PLSCR1: variants seen among roughly 807,000 people sequenced by gnomAD.
The protein encoded by PLSCR1 is phospholipid scramblase 1, also known as PL scramblase 1.
A neutral mutation model predicts 37.8 loss-of-function variants in PLSCR1; 17 were observed. That is an observed-to-expected ratio of 0.45 (90% confidence interval 0.31 to 0.68). PLSCR1 has a LOEUF of 0.68. Ranked by LOEUF, PLSCR1 falls within the 30% of genes least tolerant of loss-of-function variation. The probability of loss-of-function intolerance (pLI) is 0.06; values close to 1 mark genes in which losing one functional copy is unlikely to be tolerated. For synonymous variants in PLSCR1, 116 were observed against 125.9 expected (o/e 0.92, Z 0.53); for missense variants, 347 against 380.9 (o/e 0.91, Z 0.74).
chr3:146,526,933 A>C (rs1266495380), intron 4 of PLSCR1, among the ~76,000 whole-genome samples: 1 of 152,164 alleles, frequency 6.6e-6, no homozygotes, highest in Non-Finnish European at 1.5e-5. Context: ...CAAGTTCAGG[A>C]GTTCAAGACC....
chr3:146,533,083 A>G (rs578014960), intron 3 of PLSCR1, among the ~76,000 whole-genome samples: 3 of 152,324 alleles, frequency 2.0e-5, no homozygotes, highest in African/African-American at 7.2e-5. Flanking sequence ...TATCAGAAAT[A>G]AATTTCCTAA....
chr3:146,536,882 G>A (rs1028230634), intron 1 of PLSCR1: 10 of 232,788 alleles, frequency 4.3e-5, no homozygotes, highest in Non-Finnish European at 8.4e-5. Flanking sequence ...TAGTAACCAA[G>A]CTAATAACAT....
At chr3:146,519,637 A>G (rs2043992468) in intron 7 of PLSCR1, among the ~76,000 whole-genome samples, 1 of 152,114 alleles carries the variant, frequency 6.6e-6, no homozygotes, top group Admixed American at 6.6e-5. Context: ...AAAATCCAAC[A>G]TGACCTTAAT....
chr3:146,516,239 C>CA, intron 8 of PLSCR1, 138 bp from the exon 9 acceptor site: 2 of 522,646 alleles, frequency 3.8e-6, no homozygotes. Context: ...AGTAAATATA[C>CA]AAAAGCTCTA....
In PLSCR1 at chr3:146,528,800, G is replaced by C. The variant is rs1374728844; in HGVS notation, c.126C>G (p.Pro42=). The C allele has an allele frequency of 1.2e-6, 2 of 1,613,688 alleles. No homozygotes were observed. The highest frequency in any genetic ancestry group is 2.2e-5 in the South Asian group (2 of 91,082). Residue 42 remains proline, a synonymous_variant, in exon 4 of 9, where the codon CCC becomes CCG. Coordinates refer to ENST00000342435, the MANE Select transcript of PLSCR1 (RefSeq NM_021105.3). ...CTGGTGGGGGTGGGTAGCTGACCTG[G>C]GGCCCAGGGTAGCCACTATATCCTG... ...GPPGYSGYPG[P]QVSYPPPPAG...
chr3:146,531,953 G>C (rs2044204870), intron 3 of PLSCR1, among the ~76,000 whole-genome samples: 1 of 152,180 alleles, frequency 6.6e-6, no homozygotes, highest in South Asian at 2.1e-4. Context: ...GGGGATAACT[G>C]ACAGTATTTA....
At chr3:146,544,238 T>G (rs2044375308) in intron 1 of PLSCR1, among the ~76,000 whole-genome samples, 1 of 152,186 alleles carries the variant, frequency 6.6e-6, no homozygotes, top group Admixed American at 6.5e-5. Flanking sequence ...CCCCTTGCCG[T>G]GTACCTGCTC....
intron 3 of PLSCR1, among the ~76,000 whole-genome samples, chr3:146,531,373 A>G (rs1040813968): frequency 6.6e-6 from 1 of 152,276 alleles, no homozygotes; most frequent in South Asian, 2.1e-4. Flanking sequence ...GTAATAGGCC[A>G]CTAATAAAAT....
At position 146,534,303 on chromosome 3, in the gene PLSCR1, C is replaced by A. The variant is rs1029772676; in HGVS notation, c.14-753G>T. Among the ~76,000 whole-genome samples, 51 of 152,290 alleles carry A rather than the reference C, an allele frequency of 3.3e-4. 1 individual carries two copies. Among genetic ancestry groups the A allele is most frequent in the African/African-American group, 1.1e-3 (46 of 41,574 alleles). On this transcript the variant is annotated intron_variant, in intron 2 of 8. Transcript: ENST00000342435. The stretch of plus-strand genomic sequence containing the variant: ...ACCCTTGAATTAGGCTCTGTGGCTA[C>A]AATGGCTCTGCTTTCATACAGCTTA...
At position 146,522,152 on chromosome 3, in the gene PLSCR1, C is replaced by A. The variant is rs917778000; in HGVS notation, c.356-99G>T. 7 of 735,346 alleles carry A rather than the reference C, an allele frequency of 9.5e-6. No homozygotes were observed. The African/African-American group carries it at 1.1e-4, about 11-fold the overall frequency. 45.6% of individuals were successfully genotyped at this position (735,346 alleles called of 1,614,324 possible). On this transcript the variant is annotated intron_variant, in intron 5 of 8. Coordinates refer to ENST00000342435, the MANE Select transcript of PLSCR1 (RefSeq NM_021105.3). The stretch of plus-strand genomic sequence containing the variant: ...CTAGCTATGCCAGTTTTTGATGATA[C>A]CCCAAGTGGCATAAGGAGGAGAAGA...
chr3:146,516,678 T>C (rs974954828), intron 8 of PLSCR1: 2 of 192,086 alleles, frequency 1.0e-5, no homozygotes, highest in Non-Finnish European at 2.1e-5. Flanking sequence ...TTTCACTAAA[T>C]TTTTTCCACA....
intron 3 of PLSCR1, among the ~76,000 whole-genome samples, chr3:146,530,732 G>A (rs1278573725): frequency 6.6e-6 from 1 of 152,194 alleles, no homozygotes; most frequent in Non-Finnish European, 1.5e-5. Flanking sequence ...AGACGACTAG[G>A]AAAGGCTGTT....
chr3:146,527,898 C>T (rs1173628357), intron 4 of PLSCR1: 1 of 152,132 alleles, frequency 6.6e-6, no homozygotes, highest in African/African-American at 2.4e-5. Context: ...AAATGTTAAA[C>T]CTCTTATTGC....
chr3:146,535,694 A>G (rs1430915648), intron 2 of PLSCR1, among the ~76,000 whole-genome samples: 4 of 152,332 alleles, frequency 2.6e-5, no homozygotes, highest in Admixed American at 2.6e-4. Flanking sequence ...GAATCAACTT[A>G]AAGTCTGTGG....
Position 146,517,054 on chromosome 3 carries a change from G to T in PLSCR1, c.852C>A (p.Asp284Glu), listed in dbSNP as rs753535695. ...TTACAGCTTTCATTTTAACATCAAG[G>T]TCTAAAGGGAACTGGATTCCAAAGT... ...ADNFGIQFPL[D>E]LDVKMKAVMI... Residue 284 changes from aspartate (D) to glutamate (E), a missense_variant, in exon 8 of 9, where the codon GAC becomes GAA. Physicochemically the swap from Asp to Glu is conservative, Grantham distance 45. Coordinates refer to ENST00000342435, the MANE Select transcript of PLSCR1 (RefSeq NM_021105.3). The T allele has an allele frequency of 1.9e-6, 3 of 1,603,738 alleles. No homozygotes were observed. Among genetic ancestry groups the T allele is most frequent in the Non-Finnish European group, 1.7e-6 (2 of 1,174,068 alleles).
In PLSCR1 at chr3:146,533,524, C is replaced by T; in HGVS notation, c.40G>A (p.Glu14Lys). 1 of 1,607,294 alleles carries T rather than the reference C, an allele frequency of 6.2e-7. No homozygotes were observed. Among genetic ancestry groups the T allele is most frequent in the East Asian group, 2.2e-5 (1 of 44,800 alleles). The change falls in exon 3 of 9, where the codon GAA becomes AAA. Residue 14 changes from glutamate to lysine, a missense_variant. Coordinates refer to ENST00000342435, the MANE Select transcript of PLSCR1 (RefSeq NM_021105.3). ...GGATACCCAACTGGCAAGTTTGTTT[C>T]CGGGTGAGAAGCATTCATCTGTGAG... ...QNSQMNASHPETNLPVGYPPQ... is the reference protein window; with the variant it reads ...QNSQMNASHPKTNLPVGYPPQ...
intron 4 of PLSCR1, among the ~76,000 whole-genome samples, chr3:146,527,207 A>G (rs1264985034): frequency 3.3e-5 from 5 of 152,110 alleles, no homozygotes; most frequent in Non-Finnish European, 5.9e-5. Flanking sequence ...GTATAAAGAG[A>G]AGTTGGTTAA....
At chr3:146,535,628 T>A (rs1365608933) in intron 2 of PLSCR1, among the ~76,000 whole-genome samples, 1 of 152,200 alleles carries the variant, frequency 6.6e-6, no homozygotes, top group Non-Finnish European at 1.5e-5. Flanking sequence ...TATACAAAAC[T>A]GAAGAGTTAA....
chr3:146,519,058 G>A (rs934930702), intron 7 of PLSCR1, among the ~76,000 whole-genome samples: 2 of 151,878 alleles, frequency 1.3e-5, no homozygotes, highest in African/African-American at 4.8e-5. Flanking sequence ...AATAGTTGCT[G>A]GTAAGCTATT....
Sources: gnomAD v4.1 joint callset for allele counts (sites outside exome capture counted in the v4.1 genomes callset) on GRCh38, gnomAD v4.1.1 for gene constraint, MANE v1.5 for transcripts, NCBI Gene and HGNC (gene_info 2026-07-23, HGNC 2026-07-21) for gene names.